Variants in TEC observed in about 807,000 individuals in gnomAD.
TEC encodes tec protein tyrosine kinase, also known as tyrosine-protein kinase Tec.
TEC carries 72 observed loss-of-function variants against 93.0 expected under a neutral mutation model. The ratio of observed to expected loss-of-function variants is 0.77; its 90% CI spans 0.64 to 0.94. The LOEUF is 0.94. Ranked by LOEUF, TEC falls within the 40% of genes least tolerant of loss-of-function variation. The probability of loss-of-function intolerance (pLI) is 0.00; values close to 1 mark genes in which losing one functional copy is unlikely to be tolerated. For synonymous variants in TEC, 249 were observed against 247.7 expected (o/e 1.01, Z -0.05); for missense variants, 630 against 757.9 (o/e 0.83, Z 1.98).
intron 2 of TEC, among the ~76,000 whole-genome samples, chr4:48,184,770 T>TACACAC (rs58704241): frequency 0.2 from 28,401 of 140,684 alleles, 2,962 homozygotes; most frequent in Non-Finnish European, 0.25. Flanking sequence ...ACAAAAAAAA[T>TACACAC]ACACACACAC....
At chr4:48,156,414 G>T (rs1298398149) in intron 9 of TEC, among the ~76,000 whole-genome samples, 1 of 152,144 alleles carries the variant, frequency 6.6e-6, no homozygotes, top group Non-Finnish European at 1.5e-5. Flanking sequence ...AAAGAATAAT[G>T]TCCAGAGGGC....
intron 1 of TEC, among the ~76,000 whole-genome samples, chr4:48,257,154 TTA>T (rs1332506540): frequency 6.6e-6 from 1 of 152,208 alleles, no homozygotes; most frequent in Admixed American, 6.5e-5. Context: ...CTCAATAATT[TTA>T]TATGATTACA....
intron 1 of TEC, among the ~76,000 whole-genome samples, chr4:48,235,921 T>C (rs2664023): frequency 0.44 from 66,819 of 151,906 alleles, 16,435 homozygotes; most frequent in African/African-American, 0.66. Context: ...AAGAGCCAGG[T>C]TTTAATTTAG....
At chr4:48,245,276 A>G (rs187111040) in intron 1 of TEC, among the ~76,000 whole-genome samples, 285 of 146,884 alleles carry the variant, frequency 1.9e-3, no homozygotes, top group African/African-American at 6.9e-3. Flanking sequence ...CTGGCAACAC[A>G]ACGAGAGTCC....
At chr4:48,265,491 A>ATG (rs201384355) in intron 1 of TEC, among the ~76,000 whole-genome samples, 43,317 of 127,540 alleles carry the variant, frequency 0.34, 7,564 homozygotes, top group Middle Eastern at 0.42. Flanking sequence ...GTGTGTATAT[A>ATG]TGTGTGTATA....
chr4:48,206,151 T>TA (rs1191538255), intron 2 of TEC, among the ~76,000 whole-genome samples: 1 of 92,150 alleles, frequency 1.1e-5, no homozygotes, highest in Non-Finnish European at 2.3e-5. Context: ...AGAAGTAGAT[T>TA]AGGGTTGCCA....
At chr4:48,265,898 G>C (rs541771978) in intron 1 of TEC, among the ~76,000 whole-genome samples, 1 of 152,278 alleles carries the variant, frequency 6.6e-6, no homozygotes, top group East Asian at 1.9e-4. Context: ...CATGAAAACA[G>C]ACCCAAACCT....
intron 5 of TEC, among the ~76,000 whole-genome samples, chr4:48,169,100 G>A (rs1720996663): frequency 6.6e-6 from 1 of 152,056 alleles, no homozygotes; most frequent in Non-Finnish European, 1.5e-5. Context: ...GTGTACAAAT[G>A]GGGTGTGCCA....
intron 3 of TEC, among the ~76,000 whole-genome samples, chr4:48,173,466 CT>C (rs1353290078): frequency 6.6e-6 from 1 of 152,114 alleles, no homozygotes; most frequent in Non-Finnish European, 1.5e-5. Flanking sequence ...CAGTATCTCC[CT>C]GAGCAAACCT....
intron 2 of TEC, among the ~76,000 whole-genome samples, chr4:48,178,886 A>C (rs1371472197): frequency 4.0e-5 from 6 of 151,336 alleles, no homozygotes; most frequent in African/African-American, 1.5e-4. Flanking sequence ...TTTACCACCC[A>C]CTCCCTCCTT....
At chr4:48,172,124 T>C (rs4695341) in intron 3 of TEC, among the ~76,000 whole-genome samples, 112,988 of 152,082 alleles carry the variant, frequency 0.74, 42,559 homozygotes, top group East Asian at 0.92. Context: ...AGCCTCTTAA[T>C]CACAGTGCCT....
intron 1 of TEC, among the ~76,000 whole-genome samples, chr4:48,261,855 T>G (rs540688682): frequency 1.1e-4 from 17 of 152,184 alleles, no homozygotes; most frequent in Non-Finnish European, 2.1e-4. Flanking sequence ...AACAAAAGTG[T>G]TCCTCCTTTA....
chr4:48,175,533 G>A (rs556690732), intron 3 of TEC, among the ~76,000 whole-genome samples: 1 of 152,304 alleles, frequency 6.6e-6, no homozygotes, highest in African/African-American at 2.4e-5. Context: ...CAAGATACTG[G>A]CAGGAATGCG....
At chr4:48,210,496 TGGAGGA>T (rs112088688) in intron 2 of TEC, among the ~76,000 whole-genome samples, 1 of 147,746 alleles carries the variant, frequency 6.8e-6, no homozygotes, top group Non-Finnish European at 1.5e-5. Flanking sequence ...ATAAAAAAAA[TGGAGGA>T]GGAGGAGGAG....
intron 2 of TEC, among the ~76,000 whole-genome samples, chr4:48,177,217 A>AT (rs1721367052): frequency 1.3e-5 from 2 of 152,264 alleles, no homozygotes; most frequent in Non-Finnish European, 2.9e-5. Flanking sequence ...AATATAATGC[A>AT]GCCACTAAAA....
intron 1 of TEC, among the ~76,000 whole-genome samples, chr4:48,236,442 C>T (rs894116837): frequency 8.6e-5 from 13 of 151,612 alleles, no homozygotes; most frequent in African/African-American, 1.5e-4. Flanking sequence ...CCACTACGCC[C>T]GGTTAATTTT....
intron 2 of TEC, among the ~76,000 whole-genome samples, chr4:48,181,885 C>T (rs1308190141): frequency 2.6e-5 from 4 of 151,986 alleles, no homozygotes; most frequent in Non-Finnish European, 5.9e-5. Flanking sequence ...GAGCAGTTAC[C>T]GTAGAAGGAA....
intron 1 of TEC, among the ~76,000 whole-genome samples, chr4:48,230,423 C>CTT (rs1723613294): frequency 1.3e-5 from 2 of 152,286 alleles, no homozygotes; most frequent in African/African-American, 4.8e-5. Flanking sequence ...CAAGAACTGA[C>CTT]CATGAAAATA....
At chr4:48,187,435 A>T (rs1221712640) in intron 2 of TEC, among the ~76,000 whole-genome samples, 13 of 14,204 alleles carry the variant, frequency 9.2e-4, no homozygotes, top group Non-Finnish European at 1.8e-3. Context: ...AATAAATACT[A>T]AAAAAAAAAA....
Sources: gnomAD v4.1 joint callset for allele counts (sites outside exome capture counted in the v4.1 genomes callset) on GRCh38, gnomAD v4.1.1 for gene constraint, MANE v1.5 for transcripts, NCBI Gene and HGNC (gene_info 2026-07-23, HGNC 2026-07-21) for gene names.